KCNH7: variants seen among roughly 807,000 people sequenced by gnomAD.
The protein encoded by KCNH7 is potassium voltage-gated channel subfamily H member 7.
Under a neutral mutation model 120.8 loss-of-function variants are expected in KCNH7, and 49 were observed. That is an observed-to-expected ratio of 0.41 (90% CI 0.32 to 0.51). The LOEUF (loss-of-function observed/expected upper bound fraction) is 0.51, where lower values mean the gene tolerates loss of function less well. Ranked by LOEUF, KCNH7 falls within the 20% of genes least tolerant of loss-of-function variation. The pLI is 0.38. For missense variants in KCNH7, 1,097 were observed against 1,446.6 expected (o/e 0.76, Z 3.92); for synonymous variants, 547 against 516.1 (o/e 1.06, Z -0.81).
chr2:162,712,138 T>A (rs1012113231), intron 2 of KCNH7, among the ~76,000 whole-genome samples: 1 of 152,200 alleles, frequency 6.6e-6, no homozygotes, highest in Non-Finnish European at 1.5e-5. Flanking sequence ...TAGCATGGTT[T>A]TTCCTCTCAT....
intron 2 of KCNH7, among the ~76,000 whole-genome samples, chr2:162,614,901 A>G (rs1293711719): frequency 6.6e-6 from 1 of 151,976 alleles, no homozygotes; most frequent in Non-Finnish European, 1.5e-5. Context: ...CATTATATTC[A>G]TTATATCATT....
intron 2 of KCNH7, among the ~76,000 whole-genome samples, chr2:162,804,495 A>C (rs1007866588): frequency 2.6e-5 from 4 of 151,824 alleles, no homozygotes; most frequent in African/African-American, 9.7e-5. Flanking sequence ...AACAAAACAA[A>C]ACAAAATAAA....
intron 2 of KCNH7, among the ~76,000 whole-genome samples, chr2:162,673,413 C>A (rs1685428340): frequency 6.6e-6 from 1 of 151,968 alleles, no homozygotes; most frequent in African/African-American, 2.4e-5. Flanking sequence ...GTAGAATCCA[C>A]CACATATCAG....
intron 2 of KCNH7, among the ~76,000 whole-genome samples, chr2:162,649,647 A>AC (rs1684498131): frequency 6.6e-6 from 1 of 151,778 alleles, no homozygotes; most frequent in Non-Finnish European, 1.5e-5. Flanking sequence ...CCATTTCTGC[A>AC]TGAAAGACTT....
At chr2:162,375,918 A>G (rs1023754630) in intron 14 of KCNH7, among the ~76,000 whole-genome samples, 1 of 151,960 alleles carries the variant, frequency 6.6e-6, no homozygotes, top group African/African-American at 2.4e-5. Flanking sequence ...AAAAGAAAAA[A>G]AAGAGGACTC....
chr2:162,600,525 G>A (rs554670510), intron 2 of KCNH7, among the ~76,000 whole-genome samples: 16 of 152,238 alleles, frequency 1.1e-4, no homozygotes, highest in Admixed American at 1.0e-3. Flanking sequence ...GGTATGAAAA[G>A]AATTGGTTTC....
At chr2:162,708,927 G>T (rs973087288) in intron 2 of KCNH7, among the ~76,000 whole-genome samples, 1 of 152,004 alleles carries the variant, frequency 6.6e-6, no homozygotes, top group African/African-American at 2.4e-5. Context: ...TAGTAGAGAA[G>T]TACAAGGTAG....
chr2:162,537,876 G>A (rs189832645), intron 2 of KCNH7, among the ~76,000 whole-genome samples: 11 of 152,150 alleles, frequency 7.2e-5, no homozygotes, highest in African/African-American at 2.4e-4. Context: ...CCAAGATTCA[G>A]AGCATACACT....
At chr2:162,602,707 A>G (rs1006430338) in intron 2 of KCNH7, among the ~76,000 whole-genome samples, 2 of 152,064 alleles carry the variant, frequency 1.3e-5, no homozygotes, top group African/African-American at 4.8e-5. Context: ...TGAAGTTTTT[A>G]TAACTCCTAT....
At chr2:162,414,276 A>G (rs1381993780) in intron 9 of KCNH7, among the ~76,000 whole-genome samples, 1 of 151,970 alleles carries the variant, frequency 6.6e-6, no homozygotes, top group Non-Finnish European at 1.5e-5. Flanking sequence ...TCTACCCATA[A>G]ATATAAAAGT....
chr2:162,552,431 A>T (rs142191136), intron 2 of KCNH7, among the ~76,000 whole-genome samples: 1 of 152,300 alleles, frequency 6.6e-6, no homozygotes, highest in African/African-American at 2.4e-5. Flanking sequence ...AGACAGGAAA[A>T]TCGGGCATCT....
chr2:162,519,226 T>G (rs1262527017), intron 3 of KCNH7, among the ~76,000 whole-genome samples: 2 of 151,952 alleles, frequency 1.3e-5, no homozygotes, highest in East Asian at 3.9e-4. Flanking sequence ...AATCCACATA[T>G]GGGATATTGC....
At chr2:162,691,668 A>T (rs1027379081) in intron 2 of KCNH7, among the ~76,000 whole-genome samples, 2 of 152,176 alleles carry the variant, frequency 1.3e-5, no homozygotes, top group Non-Finnish European at 2.9e-5. Flanking sequence ...TTCCACATGT[A>T]TATGAGGCAT....
At chr2:162,633,187 G>A (rs1025732084) in intron 2 of KCNH7, among the ~76,000 whole-genome samples, 3 of 151,690 alleles carry the variant, frequency 2.0e-5, no homozygotes, top group African/African-American at 4.8e-5. Flanking sequence ...GGTAACACAC[G>A]GGGGTTTTAT....
chr2:162,514,835 T>C (rs1691224989), intron 4 of KCNH7, among the ~76,000 whole-genome samples: 1 of 151,712 alleles, frequency 6.6e-6, no homozygotes, highest in Non-Finnish European at 1.5e-5. Flanking sequence ...TAAGGTAAAA[T>C]ATTATTCATT....
At chr2:162,676,593 A>G (rs1433842453) in intron 2 of KCNH7, among the ~76,000 whole-genome samples, 1 of 151,424 alleles carries the variant, frequency 6.6e-6, no homozygotes, top group East Asian at 1.9e-4. Flanking sequence ...GGCACTTTCA[A>G]TTTCTATTTC....
chr2:162,467,262 G>A (rs1041670413), intron 6 of KCNH7, among the ~76,000 whole-genome samples: 2 of 152,152 alleles, frequency 1.3e-5, no homozygotes, highest in African/African-American at 4.8e-5. Context: ...TAGTTCTCAA[G>A]GTAATTCACC....
At chr2:162,374,889 A>G (rs1372292944) in intron 14 of KCNH7, among the ~76,000 whole-genome samples, 1 of 152,186 alleles carries the variant, frequency 6.6e-6, no homozygotes. Context: ...GCAAATGTCA[A>G]AACCACTCTG....
At chr2:162,673,701 T>C (rs985953922) in intron 2 of KCNH7, among the ~76,000 whole-genome samples, 5 of 152,060 alleles carry the variant, frequency 3.3e-5, no homozygotes, top group Non-Finnish European at 7.4e-5. Context: ...ACAACAATCC[T>C]GTAACATGAG....
Sources: gnomAD v4.1 joint callset for allele counts (sites outside exome capture counted in the v4.1 genomes callset) on GRCh38, gnomAD v4.1.1 for gene constraint, MANE v1.5 for transcripts, NCBI Gene and HGNC (gene_info 2026-07-23, HGNC 2026-07-21) for gene names.